The following PKHD1 variants were observed in gnomAD, a reference collection of about 807,000 sequenced individuals.
PKHD1 encodes the protein fibrocystin.
In PKHD1, 291 loss-of-function variants were observed where a neutral mutation model predicts 412.0. The ratio of observed to expected loss-of-function variants is 0.71; its 90% CI spans 0.64 to 0.78. The LOEUF (loss-of-function observed/expected upper bound fraction) is 0.78. Among genes scored for constraint, PKHD1 ranks in the 30% least tolerant of loss-of-function variants. PKHD1 has a pLI of 0.00. For missense variants in PKHD1, 4,825 were observed against 4,950.7 expected (o/e 0.97, Z 0.76); for synonymous variants, 1,777 against 1,821.5 (o/e 0.98, Z 0.62).
At chr6:51,630,417 T>C (rs539000639) in intron 65 of PKHD1, among the ~76,000 whole-genome samples, 23 of 152,314 alleles carry the variant, frequency 1.5e-4, no homozygotes, top group Middle Eastern at 3.4e-3. Context: ...TGCCACACTC[T>C]TTTCACTACA....
intron 55 of PKHD1, among the ~76,000 whole-genome samples, chr6:51,765,793 T>C (rs1483603254): frequency 6.6e-6 from 1 of 152,166 alleles, no homozygotes; most frequent in Non-Finnish European, 1.5e-5. Context: ...CAATCTCTTC[T>C]ATATGTCTAG....
intron 21 of PKHD1, 124 bp downstream of exon 21, chr6:52,052,952 G>C: frequency 1.2e-6 from 1 of 834,176 alleles, no homozygotes; most frequent in South Asian, 1.4e-5. Context: ...GTTTTCTAGA[G>C]CCAAGGCAGG....
rs768469505 is a variant in PKHD1 at position 51,659,819 on chromosome 6, C to T, written c.10307G>A (p.Gly3436Asp). The T allele has an allele frequency of 4.3e-6, 7 of 1,613,808 alleles. No individual in the cohort carries two copies. The highest frequency in any genetic ancestry group is 5.9e-6 in the Non-Finnish European group (7 of 1,179,850). ...KLYPVVSVTS[G>D]FVDVFSSVNA... ...TACACTGCTAAAGACATCAACAAAA[C>T]CACTAGTCACAGATACAACTGGATA... Residue 3436 changes from glycine (G) to aspartate (D), a missense_variant, in exon 61 of 67, where the codon GGT (glycine) becomes GAT (aspartate). Coordinates refer to ENST00000371117, the MANE Select transcript of PKHD1 (RefSeq NM_138694.4).
At position 52,082,467 on chromosome 6, in the gene PKHD1, A is replaced by G. The variant is rs748318104; in HGVS notation, c.206T>C (p.Val69Ala). The stretch of plus-strand genomic sequence containing the variant: ...ACAGGGAACACTCCGCAGTGCGGGC[A>G]CCACCATGTTCACGTTCACCAGGTG... The part of the protein sequence containing the change: ...EIHLVNVNMV[V>A]PALRSVPCDV... Residue 69 changes from valine to alanine, a missense_variant, in exon 4 of 67, where the codon GTG becomes GCG. Physicochemically the swap from Val to Ala is moderately conservative, Grantham distance 64. Coordinates refer to ENST00000371117, the MANE Select transcript of PKHD1 (RefSeq NM_138694.4). The G allele has an allele frequency of 2.5e-5, 40 of 1,613,864 alleles. No homozygotes were observed. The highest frequency in any genetic ancestry group is 3.4e-5 in the Non-Finnish European group (40 of 1,179,890).
chr6:51,856,360 G>C (rs943439363), intron 48 of PKHD1, among the ~76,000 whole-genome samples: 1 of 152,132 alleles, frequency 6.6e-6, no homozygotes, highest in Non-Finnish European at 1.5e-5. Flanking sequence ...TCCTTGAGAC[G>C]GAGTTTCGCT....
At chr6:52,032,810 GATGGAA>G (rs1803264556) in intron 29 of PKHD1, among the ~76,000 whole-genome samples, 1 of 152,094 alleles carries the variant, frequency 6.6e-6, no homozygotes, top group African/African-American at 2.4e-5. Flanking sequence ...TCCTTTTCAT[GATGGAA>G]ATGGTCCCAT....
rs138565798 is a variant in PKHD1, at chr6:51,907,684, C to T, written c.6683-1344G>A. 2.5e-3 allele frequency among the ~76,000 whole-genome samples: 381 copies of T among 152,186 alleles called. 2 individuals carry two copies. Among genetic ancestry groups the T allele is most frequent in the Middle Eastern group, 6.8e-3 (2 of 294 alleles). The stretch of plus-strand genomic sequence containing the variant: ...TTTTTAAAAAGTACTGTTCAAATAT[C>T]CCAATGCTTTCTAACTCTGGTAGCT... On this transcript the variant is annotated intron_variant, in intron 40 of 66. Transcript: ENST00000371117.
chr6:52,065,168 TAGAGAGAG>T (rs70977326), intron 12 of PKHD1, 118 bp from the exon 13 acceptor site: 10 of 31,708 alleles, frequency 3.2e-4, no homozygotes, highest in South Asian at 1.8e-3. Flanking sequence ...TATATATATA[TAGAGAGAG>T]AGAGAGAGAG....
At chr6:51,737,252 G>A (rs980930555) in intron 60 of PKHD1, among the ~76,000 whole-genome samples, 21 of 152,162 alleles carry the variant, frequency 1.4e-4, no homozygotes. Flanking sequence ...GCCAAGGAAA[G>A]TGTGGGAAAA....
intron 53 of PKHD1, among the ~76,000 whole-genome samples, chr6:51,790,469 G>A (rs1302719455): frequency 3.3e-5 from 5 of 152,042 alleles, no homozygotes; most frequent in East Asian, 1.9e-4. Context: ...CCTCATCTCC[G>A]AGCACCTACT....
At chr6:51,994,874 C>T (rs189465531) in intron 35 of PKHD1, among the ~76,000 whole-genome samples, 10 of 152,146 alleles carry the variant, frequency 6.6e-5, no homozygotes, top group African/African-American at 2.2e-4. Context: ...TGAGCCATCT[C>T]GCCCAGCCAT....
In PKHD1 at chr6:51,923,093, A is replaced by G. The variant is rs760182896; in HGVS notation, c.6122-10517T>C. The stretch of plus-strand genomic sequence containing the variant: ...CTTGGAACCCAACCCCGTTTTGCCA[A>G]ATTTTTAAGGTAACGTTCATGGGTT... On this transcript the variant is annotated intron_variant, in intron 37 of 66. Transcript: ENST00000371117. Among the ~76,000 whole-genome samples, 6 of 152,166 alleles carry G rather than the reference A, an allele frequency of 3.9e-5. No individual in the cohort carries two copies. In the South Asian group the frequency reaches 6.2e-4, roughly 16 times the overall value.
chr6:51,864,474 A>G (rs569994293), intron 48 of PKHD1, among the ~76,000 whole-genome samples: 1 of 152,294 alleles, frequency 6.6e-6, no homozygotes, highest in East Asian at 1.9e-4. Flanking sequence ...AAGACTCAAA[A>G]GGGATTTATT....
At chr6:52,021,268 A>G (rs1319077199) in intron 33 of PKHD1, among the ~76,000 whole-genome samples, 2 of 152,190 alleles carry the variant, frequency 1.3e-5, no homozygotes, top group African/African-American at 4.8e-5. Flanking sequence ...CACAATAATT[A>G]TTTTATTATT....
At chr6:51,809,467 C>A (rs1482765383) in intron 52 of PKHD1, among the ~76,000 whole-genome samples, 1 of 152,024 alleles carries the variant, frequency 6.6e-6, no homozygotes, top group Non-Finnish European at 1.5e-5. Context: ...GACCAATCCT[C>A]CCCAAAATAA....
At chr6:51,768,492 A>C (rs184910691) in intron 55 of PKHD1, among the ~76,000 whole-genome samples, 2 of 152,006 alleles carry the variant, frequency 1.3e-5, no homozygotes, top group African/African-American at 4.8e-5. Context: ...ATTTTAAATA[A>C]GCTTGTACAT....
At chr6:51,937,444 T>C (rs1233817261) in intron 36 of PKHD1, among the ~76,000 whole-genome samples, 1 of 152,212 alleles carries the variant, frequency 6.6e-6, no homozygotes, top group East Asian at 1.9e-4. Flanking sequence ...AGAGTTTGAC[T>C]CTTTTCATTT....
At chr6:52,052,410 C>T (rs1038575781) in intron 21 of PKHD1, among the ~76,000 whole-genome samples, 6 of 152,106 alleles carry the variant, frequency 3.9e-5, no homozygotes, top group African/African-American at 7.2e-5. Context: ...AGGGAGAGTT[C>T]GGGAAGGAAG....
In PKHD1 at chr6:51,659,791, A is replaced by G. The variant is rs1484970104; in HGVS notation, c.10335T>C (p.Asn3445=). The G allele has an allele frequency of 8.7e-6, 14 of 1,613,814 alleles. No individual in the cohort carries two copies. Among genetic ancestry groups the G allele is most frequent in the African/African-American group, 1.3e-5 (1 of 75,036 alleles). Residue 3445 remains asparagine, a synonymous_variant, in exon 61 of 67, where the codon AAT becomes AAC. Coordinates refer to ENST00000371117, the MANE Select transcript of PKHD1 (RefSeq NM_138694.4). ...CAGAAGTAGAGCAGGGAATATTGGC[A>G]TTTACACTGCTAAAGACATCAACAA... ...SGFVDVFSSV[N]ANIPCSTSGS...
Sources: allele counts gnomAD v4.1 joint callset (sites outside exome capture counted in the v4.1 genomes callset), GRCh38; gene constraint gnomAD v4.1.1; transcripts MANE v1.5; gene names NCBI Gene and HGNC (gene_info 2026-07-23, HGNC 2026-07-21).